Variants in ENPP2 observed in about 807,000 individuals in gnomAD.
ENPP2 encodes the protein ectonucleotide pyrophosphatase/phosphodiesterase 2.
ENPP2 carries 51 observed loss-of-function variants against 120.2 expected under a neutral mutation model. The ratio of observed to expected loss-of-function variants is 0.42; its 90% confidence interval spans 0.34 to 0.54. The LOEUF is 0.54. Among genes scored for constraint, ENPP2 ranks in the 20% least tolerant of loss-of-function variants. The pLI is 0.04. For synonymous variants in ENPP2, 365 were observed against 366.4 expected (o/e 1.00, Z 0.04); for missense variants, 920 against 1,066.5 (o/e 0.86, Z 1.91).
chr8:119,572,394 C>T (rs1211956225), intron 19 of ENPP2: 1 of 664,380 alleles, frequency 1.5e-6, no homozygotes, highest in Admixed American at 2.6e-5. Flanking sequence ...AAATAGCAGC[C>T]ATGTTCCCAT....
At chr8:119,582,642 T>G in intron 17 of ENPP2, 40 bp from the exon 18 acceptor site, 1 of 1,400,876 alleles carries the variant, frequency 7.1e-7, no homozygotes, top group Non-Finnish European at 1.0e-6. Context: ...GCTTCTTATA[T>G]TTTTTTGATG....
rs775635008 is a variant in ENPP2 at position 119,564,967 on chromosome 8, C to T, written c.2132-12G>A. ...ATAATTCCAGACCCCTGTGCAAAGA[C>T]AAAAATCCAAAAATCAATTATTCAT... On this transcript the variant is annotated splice_polypyrimidine_tract_variant and intron_variant, in intron 22 of 24. Coordinates refer to ENST00000075322, the MANE Select transcript of ENPP2 (RefSeq NM_001040092.3). The T allele has an allele frequency of 5.0e-6, 8 of 1,604,502 alleles. No homozygotes were observed. Among genetic ancestry groups the T allele is most frequent in the South Asian group, 4.4e-5 (4 of 89,964 alleles).
intron 1 of ENPP2, among the ~76,000 whole-genome samples, chr8:119,651,981 G>A (rs1817639890): frequency 6.6e-6 from 1 of 152,180 alleles, no homozygotes; most frequent in Non-Finnish European, 1.5e-5. Context: ...GATGAAAGGT[G>A]TGTTTTAATT....
chr8:119,645,740 G>A (rs796735846), intron 1 of ENPP2, among the ~76,000 whole-genome samples: 22 of 151,352 alleles, frequency 1.5e-4, no homozygotes, highest in African/African-American at 5.3e-4. Flanking sequence ...GCTTGAACCC[G>A]GGGAGTGGAG....
Position 119,557,434 on chromosome 8 carries a change from A to G in ENPP2, c.*87T>C, listed in dbSNP as rs1813551480. 2.7e-6 allele frequency: 3 copies of G among 1,092,424 alleles called. No individual in the cohort carries two copies. The highest frequency in any genetic ancestry group is 4.0e-6 in the Non-Finnish European group (3 of 756,668). The allele number at this position is 1,092,424 out of a possible 1,614,324, so 67.7% of individuals were successfully genotyped here. The stretch of plus-strand genomic sequence containing the variant: ...ACAGGATTAAAATACTAACATTTTT[A>G]ATGTCCTGGTTTCAAATTAATAAAT... On this transcript the variant is annotated 3_prime_UTR_variant, in exon 25 of 25. Coordinates refer to ENST00000075322, the MANE Select transcript of ENPP2 (RefSeq NM_001040092.3).
At chr8:119,573,407 T>TA (rs1563680979) in intron 19 of ENPP2, among the ~76,000 whole-genome samples, 5 of 71,502 alleles carry the variant, frequency 7.0e-5, no homozygotes, top group African/African-American at 3.6e-4. Context: ...GCTCCGTCTC[T>TA]TAAAAAAAAA....
intron 1 of ENPP2, among the ~76,000 whole-genome samples, chr8:119,660,889 G>A (rs950398254): frequency 2.0e-5 from 3 of 152,082 alleles, no homozygotes; most frequent in Non-Finnish European, 4.4e-5. Flanking sequence ...GAAGGCAGCC[G>A]CACAACAAAG....
chr8:119,595,882 T>C (rs1327317538), intron 11 of ENPP2: 1 of 1,614,068 alleles, frequency 6.2e-7, no homozygotes. Context: ...TAATGATCCA[T>C]CCTATGTATT....
chr8:119,648,001 A>C (rs751555604), intron 1 of ENPP2, among the ~76,000 whole-genome samples: 4 of 152,126 alleles, frequency 2.6e-5, no homozygotes, highest in Non-Finnish European at 4.4e-5. Flanking sequence ...ACAAAATTCC[A>C]TCCCCAAAAA....
chr8:119,643,291 C>A (rs189060021), upstream of ENPP2, among the ~76,000 whole-genome samples: 327 of 152,268 alleles, frequency 2.1e-3, 7 homozygotes, highest in Middle Eastern at 3.4e-3. Flanking sequence ...AATAGAGGAA[C>A]AAGCTGGCTC....
chr8:119,658,509 G>A (rs558106879), intron 1 of ENPP2, among the ~76,000 whole-genome samples: 9 of 152,276 alleles, frequency 5.9e-5, no homozygotes, highest in Admixed American at 2.0e-4. Flanking sequence ...CTAGAGTCAG[G>A]CACATCTAGG....
In ENPP2 at chr8:119,567,912, T is replaced by A. The variant is rs188933346; in HGVS notation, c.2131+263A>T. On this transcript the variant is annotated intron_variant, in intron 22 of 24. Coordinates refer to ENST00000075322, the MANE Select transcript of ENPP2 (RefSeq NM_001040092.3). ...TGACCTGTGGTCACTTTCTGTGATA[T>A]CAATTTCTTAATTATAAACCGGGGA... Among the ~76,000 whole-genome samples the A allele has an allele frequency of 1.6e-3, 238 of 152,352 alleles. 1 individual carries two copies. The highest frequency in any genetic ancestry group is 2.5e-3 in the Non-Finnish European group (170 of 68,044).
At chr8:119,620,034 C>T (rs1244300117) in intron 4 of ENPP2, among the ~76,000 whole-genome samples, 6 of 152,158 alleles carry the variant, frequency 3.9e-5, no homozygotes, top group Non-Finnish European at 7.4e-5. Context: ...GGAGAAATTG[C>T]TCCCATGTAA....
chr8:119,665,461 A>G (rs1429954008), intron 1 of ENPP2, among the ~76,000 whole-genome samples: 1 of 152,174 alleles, frequency 6.6e-6, no homozygotes, highest in East Asian at 1.9e-4. Context: ...CCCTCTTTTC[A>G]CAGAAATGCC....
intron 19 of ENPP2, among the ~76,000 whole-genome samples, chr8:119,573,399 TC>T (rs1815189611): frequency 8.5e-6 from 1 of 117,578 alleles, no homozygotes; most frequent in South Asian, 2.9e-4. Context: ...AGAGCGAGGC[TC>T]CGTCTCTTAA....
chr8:119,635,817 G>A (rs1050856510), intron 2 of ENPP2, among the ~76,000 whole-genome samples: 1 of 152,070 alleles, frequency 6.6e-6, no homozygotes, highest in Non-Finnish European at 1.5e-5. Flanking sequence ...CAGGTAACAA[G>A]TGTGTTAGTT....
At chr8:119,606,606 T>TAA (rs1001820171) in intron 9 of ENPP2, among the ~76,000 whole-genome samples, 4 of 140,082 alleles carry the variant, frequency 2.9e-5, no homozygotes, top group African/African-American at 1.1e-4. Flanking sequence ...GAAACCTCTT[T>TAA]AAAAAAAAAA....
intron 13 of ENPP2, among the ~76,000 whole-genome samples, chr8:119,589,876 G>A (rs745861853): frequency 1.3e-5 from 2 of 152,126 alleles, no homozygotes; most frequent in Non-Finnish European, 2.9e-5. Context: ...CACAAATTAA[G>A]TTTGTATCAG....
rs764112200 is a variant in ENPP2, at chr8:119,582,607, T to C, written c.1544-5A>G. 33 of 1,605,852 alleles carry C rather than the reference T, an allele frequency of 2.1e-5. No homozygotes were observed. Among genetic ancestry groups the C allele is most frequent in the Non-Finnish European group, 2.6e-5 (31 of 1,173,674 alleles). ...CTGGCTTCAATCCCAGGAGATCTAATGAAAATTAAGAAAAGGAGGCAGGTG... is the reference window on the plus strand; with the variant it reads ...CTGGCTTCAATCCCAGGAGATCTAACGAAAATTAAGAAAAGGAGGCAGGTG... On this transcript the variant is annotated splice_region_variant and splice_polypyrimidine_tract_variant and intron_variant, in intron 17 of 24. Transcript: ENST00000075322.
Sources: allele counts gnomAD v4.1 joint callset (sites outside exome capture counted in the v4.1 genomes callset), GRCh38; gene constraint gnomAD v4.1.1; transcripts MANE v1.5; gene names NCBI Gene and HGNC (gene_info 2026-07-23, HGNC 2026-07-21).